The following RNLS variants were observed in gnomAD, a reference collection of about 807,000 sequenced individuals.
RNLS encodes renalase, FAD dependent amine oxidase.
A neutral mutation model predicts 39.8 loss-of-function variants in RNLS; 39 were observed. The ratio of observed to expected loss-of-function variants is 0.98; its 90% CI spans 0.76 to 1.28. The LOEUF (loss-of-function observed/expected upper bound fraction) is 1.28, where lower values mean the gene tolerates loss of function less well. Ranked by LOEUF, RNLS falls within the 50% of genes most tolerant of loss-of-function variation. The pLI, the probability that RNLS is intolerant of heterozygous loss-of-function variation, is 0.00. For missense variants in RNLS, 410 were observed against 413.3 expected, an observed-to-expected ratio of 0.99 and a Z score of 0.07; for synonymous variants, 147 against 150.7, an observed-to-expected ratio of 0.98 and a Z score of 0.18.
At chr10:88,276,090 T>TA (rs1176240049) in intron 6 of RNLS, among the ~76,000 whole-genome samples, 4 of 151,996 alleles carry the variant, frequency 2.6e-5, no homozygotes, top group Admixed American at 6.6e-5. Context: ...ATGCGAATAA[T>TA]AAAAAACAAA....
chr10:88,199,993 C>T, the RNLS span, among the ~76,000 whole-genome samples: 1 of 152,118 alleles, frequency 6.6e-6, no homozygotes, highest in Non-Finnish European at 1.5e-5. Context: ...GCTGTTCATG[C>T]TGGCATATGG....
In RNLS at chr10:88,582,218, C is replaced by T. The variant is rs1279441884; in HGVS notation, c.208G>A (p.Ala70Thr). Residue 70 changes from alanine to threonine, a missense_variant, in exon 2 of 7, where the codon GCC becomes ACC. Transcript: ENST00000331772. ...CTAACTCACCGTTGGTGTTTTTTGGCATAATGAGGAGTGCAGGTGATGTAC... is the reference window on the plus strand; with the variant it reads ...CTAACTCACCGTTGGTGTTTTTTGGTATAATGAGGAGTGCAGGTGATGTAC... ...AQYITCTPHY[A>T]KKHQRFYDEL... is the part of the protein sequence containing the mutation. The T allele has an allele frequency of 1.2e-6, 2 of 1,612,920 alleles. No homozygotes were observed. The highest frequency in any genetic ancestry group is 8.5e-7 in the Non-Finnish European group (1 of 1,179,488).
the RNLS span, among the ~76,000 whole-genome samples, chr10:88,221,056 G>A: frequency 6.6e-6 from 1 of 152,128 alleles, no homozygotes; most frequent in Non-Finnish European, 1.5e-5. Context: ...CCCATCAAAG[G>A]GCTGCACTCC....
chr10:88,352,250 G>A (rs1366241165), intron 5 of RNLS, among the ~76,000 whole-genome samples: 1 of 152,154 alleles, frequency 6.6e-6, no homozygotes, highest in Non-Finnish European at 1.5e-5. Flanking sequence ...AATAGGAGTG[G>A]TGAGAGAGGG....
chr10:88,487,399 G>T (rs1270492064), intron 4 of RNLS, among the ~76,000 whole-genome samples: 1 of 135,610 alleles, frequency 7.4e-6, no homozygotes, highest in African/African-American at 2.5e-5. Context: ...AGAAGCAACT[G>T]GTTAAAAAAA....
intron 6 of RNLS, among the ~76,000 whole-genome samples, chr10:88,287,516 T>C (rs1286221605): frequency 6.6e-6 from 1 of 152,162 alleles, no homozygotes; most frequent in East Asian, 1.9e-4. Context: ...TAGATATTAG[T>C]GATTTCAGAA....
At chr10:88,551,785 T>C (rs993172696) in intron 4 of RNLS, among the ~76,000 whole-genome samples, 1 of 152,182 alleles carries the variant, frequency 6.6e-6, no homozygotes, top group African/African-American at 2.4e-5. Context: ...TCTCCCATCT[T>C]GCTCTATATG....
intron 4 of RNLS, among the ~76,000 whole-genome samples, chr10:88,560,377 G>A (rs1390505704): frequency 6.6e-6 from 1 of 151,964 alleles, no homozygotes; most frequent in Non-Finnish European, 1.5e-5. Context: ...AGGAAAAGGT[G>A]TTAGCCAACA....
chr10:88,195,425 C>G, the RNLS span, among the ~76,000 whole-genome samples: 1 of 152,242 alleles, frequency 6.6e-6, no homozygotes, highest in Admixed American at 6.5e-5. Flanking sequence ...TTTCACACCC[C>G]CCTCCTTTGC....
intron 4 of RNLS, among the ~76,000 whole-genome samples, chr10:88,505,817 C>A (rs1344086644): frequency 1.3e-5 from 2 of 152,076 alleles, no homozygotes. Flanking sequence ...ACAGTAAAAC[C>A]AGATGCCACC....
At chr10:88,451,931 G>A (rs998382528) in intron 4 of RNLS, among the ~76,000 whole-genome samples, 2 of 152,138 alleles carry the variant, frequency 1.3e-5, no homozygotes, top group African/African-American at 4.8e-5. Flanking sequence ...GCTTTTGTTC[G>A]GGTCCCAGGT....
At chr10:88,218,409 T>C in the RNLS span, among the ~76,000 whole-genome samples, 2 of 152,240 alleles carry the variant, frequency 1.3e-5, no homozygotes, top group Admixed American at 6.5e-5. Flanking sequence ...GCCGGGGATG[T>C]GGGCTGCAGA....
chr10:88,510,755 G>A (rs964694852), intron 4 of RNLS, among the ~76,000 whole-genome samples: 1 of 151,508 alleles, frequency 6.6e-6, no homozygotes, highest in African/African-American at 2.4e-5. Context: ...GCTGAAGCAG[G>A]AGAATCGCTT....
chr10:88,542,239 CA>C, intron 4 of RNLS, among the ~76,000 whole-genome samples: 1 of 152,214 alleles, frequency 6.6e-6, no homozygotes, highest in South Asian at 2.1e-4. Flanking sequence ...AGGCTAGATT[CA>C]AGCATGATTA....
In RNLS at chr10:88,583,080, C is replaced by G. The variant is rs2296545; in HGVS notation, c.111G>C (p.Glu37Asp). 0.44 allele frequency: 711,816 copies of G among 1,608,540 alleles called. 159,205 individuals carry two copies. The highest frequency in any genetic ancestry group is 0.53 in the African/African-American group (39,282 of 74,698). ...PLYLAVWDKA[E>D]DSGGRMTTAC... ...GGCGTTTAGACAACCCACCTGAGTC[C>G]TCAGCCTTGTCCCACACAGCAAGGT... is the stretch of plus-strand genomic sequence containing the variant. Residue 37 changes from glutamate (E) to aspartate (D), a missense_variant, in exon 1 of 7, where the codon GAG (glutamate) becomes GAC (aspartate). Transcript: ENST00000331772.
At chr10:88,564,689 A>C (rs1444015280) in intron 4 of RNLS, among the ~76,000 whole-genome samples, 1 of 152,208 alleles carries the variant, frequency 6.6e-6, no homozygotes, top group East Asian at 1.9e-4. Context: ...TTTGAGGATT[A>C]AGTGATATAA....
chr10:88,229,746 G>A, the RNLS span, among the ~76,000 whole-genome samples: 1 of 152,120 alleles, frequency 6.6e-6, no homozygotes, highest in Non-Finnish European at 1.5e-5. Context: ...TGAACAGTTT[G>A]TTTAAACAGA....
At chr10:88,448,481 A>T (rs1035630051) in intron 4 of RNLS, among the ~76,000 whole-genome samples, 1 of 152,226 alleles carries the variant, frequency 6.6e-6, no homozygotes, top group Non-Finnish European at 1.5e-5. Context: ...AATGGCGATC[A>T]TTAAAAAGTC....
At chr10:88,436,342 C>T (rs562204875) in intron 4 of RNLS, among the ~76,000 whole-genome samples, 1 of 152,222 alleles carries the variant, frequency 6.6e-6, no homozygotes, top group East Asian at 1.9e-4. Flanking sequence ...CCTCTTATTC[C>T]CTATCCTACA....
Sources: allele counts gnomAD v4.1 joint callset (sites outside exome capture counted in the v4.1 genomes callset), GRCh38; gene constraint gnomAD v4.1.1; transcripts MANE v1.5; gene names NCBI Gene and HGNC (gene_info 2026-07-23, HGNC 2026-07-21).